The following CAPN15 variants were observed in gnomAD, a reference collection of about 807,000 sequenced individuals.
CAPN15 encodes the protein calpain 15, also known as calpain-15.
In CAPN15, 53 loss-of-function variants were observed where a neutral mutation model predicts 97.9. That is an observed-to-expected ratio of 0.54 (90% confidence interval 0.43 to 0.68). CAPN15 has a LOEUF of 0.68. CAPN15 is among the 30% of genes least tolerant of loss of function. CAPN15 has a pLI of 0.00. For missense variants in CAPN15, 1,592 were observed against 1,589.8 expected, an observed-to-expected ratio of 1.00 and a Z score of -0.02; for synonymous variants, 922 against 722.5, an observed-to-expected ratio of 1.28 and a Z score of -4.43.
intron 5 of CAPN15, 34 bp from the exon 6 acceptor site, chr16:549,253 CG>C: frequency 1.3e-6 from 2 of 1,551,540 alleles, no homozygotes; most frequent in Non-Finnish European, 1.7e-6. Flanking sequence ...CGACCGGCCG[CG>C]GTCCCCGCGA....
Position 536,137 on chromosome 16 carries a change from TG to T in CAPN15, c.-26del. 1 of 967,330 alleles carries T rather than the reference TG, an allele frequency of 1.0e-6. No homozygotes were observed. The highest frequency in any genetic ancestry group is 1.2e-4 in the East Asian group (1 of 8,598). The allele number at this position is 967,330 out of a possible 1,614,324, so 59.9% of individuals were successfully genotyped here. ...CCCTGAGGTGGGCCGGACCTGGGAGTGGCAGGTGAGCGTTCCTCCCAAGAGC... is the reference window on the plus strand; with the variant it reads ...CCCTGAGGTGGGCCGGACCTGGGAGTGCAGGTGAGCGTTCCTCCCAAGAGC... On this transcript the variant is annotated 5_prime_UTR_variant, in exon 3 of 14. Transcript: ENST00000219611.
In CAPN15 at chr16:548,232, C is replaced by A; in HGVS notation, c.1394C>A (p.Thr465Lys). ...ATGCACGTGGAGCAGCGGCGGCAGA[C>A]AGACGAGGGCGAGGCCAAGGCACTC... ...ESMHVEQRRQ[T>K]DEGEAKALWE... Residue 465 changes from threonine to lysine, a missense_variant, in exon 4 of 14, where the codon ACA becomes AAA. Around this residue, in one of 3 missense-constraint regions of CAPN15, gnomAD observed 883 missense variants for 776.6 expected, o/e 1.14. Coordinates refer to ENST00000219611, the MANE Select transcript of CAPN15 (RefSeq NM_005632.3). The A allele has an allele frequency of 6.4e-7, 1 of 1,551,938 alleles. No homozygotes were observed. The highest frequency in any genetic ancestry group is 8.7e-7 in the Non-Finnish European group (1 of 1,150,174).
At chr16:544,321 C>T (rs575998918) in intron 3 of CAPN15, among the ~76,000 whole-genome samples, 9 of 152,134 alleles carry the variant, frequency 5.9e-5, no homozygotes, top group South Asian at 4.2e-4. Flanking sequence ...GGGGCTGCCC[C>T]GGCCGGACGG....
chr16:548,546 GC>G (rs1192829817), intron 4 of CAPN15, among the ~76,000 whole-genome samples: 3 of 152,232 alleles, frequency 2.0e-5, no homozygotes, highest in African/African-American at 4.8e-5. Flanking sequence ...GGCCAGGAGG[GC>G]CCCGAGCCCC....
intron 3 of CAPN15, among the ~76,000 whole-genome samples, chr16:543,794 G>A (rs534050220): frequency 1.3e-5 from 2 of 152,132 alleles, no homozygotes; most frequent in Non-Finnish European, 2.9e-5. Context: ...CGGGACTGGG[G>A]AGGGTCAGCG....
At chr16:538,303 T>C (rs1567138564) in intron 3 of CAPN15, 1 of 105,520 alleles carries the variant, frequency 9.5e-6, no homozygotes, top group East Asian at 2.7e-4. Context: ...TGTTTTTTTT[T>C]TTGATTTTTT....
At chr16:553,086 T>G (rs1291252299) in intron 13 of CAPN15, 45 bp downstream of exon 13, 1 of 764,612 alleles carries the variant, frequency 1.3e-6, no homozygotes, top group Non-Finnish European at 1.7e-6. Flanking sequence ...AGGTGCCCCC[T>G]CCCCTACCCC....
intron 3 of CAPN15, among the ~76,000 whole-genome samples, chr16:544,579 G>A (rs959579999): frequency 4.6e-5 from 7 of 152,106 alleles, no homozygotes; most frequent in Admixed American, 3.3e-4. Context: ...GGAGCTGAGT[G>A]TCGGCAACGC....
At position 553,668 on chromosome 16, in the gene CAPN15, C is replaced by T. The variant is rs2035269237; in HGVS notation, c.*152C>T. ...CCAGGGCTCAGCTTCCCATGGGCCC[C>T]CCGCCCCCCTCCTTCCCCTCCCTGA... On this transcript the variant is annotated 3_prime_UTR_variant, in exon 14 of 14. Transcript: ENST00000219611. The T allele has an allele frequency of 7.3e-6, 4 of 545,258 alleles. No individual in the cohort carries two copies. The highest frequency in any genetic ancestry group is 1.3e-5 in the Non-Finnish European group (4 of 318,562). The allele number at this position is 545,258 out of a possible 1,614,324, so 33.8% of individuals were successfully genotyped here.
rs1324886865 is a variant in CAPN15 at position 549,606 on chromosome 16, C to T, written c.1843-9C>T. ...GGGCGGGGGTGGCCTCTGACCCGGC[C>T]CTCTGCAGGCGCAGCGGAAGCAGCT... is the stretch of plus-strand genomic sequence containing the variant. On this transcript the variant is annotated splice_polypyrimidine_tract_variant and intron_variant, in intron 6 of 13. Coordinates refer to ENST00000219611, the MANE Select transcript of CAPN15 (RefSeq NM_005632.3). 1.3e-6 allele frequency: 2 copies of T among 1,533,718 alleles called. No individual in the cohort carries two copies. Among genetic ancestry groups the T allele is most frequent in the Middle Eastern group, 1.8e-4 (1 of 5,622 alleles).
intron 3 of CAPN15, among the ~76,000 whole-genome samples, chr16:544,789 C>T (rs1384214108): frequency 2.2e-5 from 2 of 92,024 alleles, no homozygotes; most frequent in African/African-American, 5.9e-5. Context: ...GTCTCCCCCA[C>T]GTCGTCGTCT....
chr16:528,712 G>A, intron 1 of CAPN15: 2 of 985,360 alleles, frequency 2.0e-6, no homozygotes, highest in Non-Finnish European at 2.4e-6. Context: ...GTTTGTTACC[G>A]GACTGCAGGT....
At chr16:528,802 A>G in intron 1 of CAPN15, 1 of 973,560 alleles carries the variant, frequency 1.0e-6, no homozygotes, top group Non-Finnish European at 1.2e-6. Context: ...GAAGACTGGG[A>G]CTCCGTTGGG....
rs746459882 is a variant in CAPN15 at position 547,496 on chromosome 16, C to T, written c.658C>T (p.Pro220Ser). The change falls in exon 4 of 14, where the codon CCA becomes TCA. Residue 220 changes from proline (P) to serine (S), a missense_variant. Pro to Ser is a moderately conservative substitution (Grantham distance 74, BLOSUM62 -1). This residue lies in a region of CAPN15 where 883 missense variants were observed against 776.6 expected (regional missense o/e 1.14). Coordinates refer to ENST00000219611, the MANE Select transcript of CAPN15 (RefSeq NM_005632.3). ...CAACCCCCCAGCCACCAGCCAGGGC[C>T]CAGCTGCCGAACCAGAGCCGCCCAG... ...EANPPATSQG[P>S]AAEPEPPRVP... is the part of the protein sequence containing the mutation. 2 of 1,597,822 alleles carry T rather than the reference C, an allele frequency of 1.3e-6. No homozygotes were observed. Among genetic ancestry groups the T allele is most frequent in the Non-Finnish European group, 1.7e-6 (2 of 1,179,000 alleles).
At position 552,063 on chromosome 16, in the gene CAPN15, C is replaced by G; in HGVS notation, c.2358C>G (p.Ser786=). ...CCGCCACCTGCAGGTACTTCGACTC[C>G]GTGGACATCTGTAAGGTGCACTCGG... ...EYGDFVRYFD[S]VDICKVHSDW... is the part of the protein sequence containing the mutation. Residue 786 remains serine, a synonymous_variant, in exon 10 of 14, where the codon TCC becomes TCG. Coordinates refer to ENST00000219611, the MANE Select transcript of CAPN15 (RefSeq NM_005632.3). The surrounding 1 kb of genome is among the most constrained non-coding windows in gnomAD (Gnocchi z 6.4). The G allele has an allele frequency of 3.9e-6, 6 of 1,548,842 alleles. No homozygotes were observed. Among genetic ancestry groups the G allele is most frequent in the Non-Finnish European group, 5.2e-6 (6 of 1,146,816 alleles).
Position 553,524 on chromosome 16 carries a change from G to T in CAPN15, c.*8G>T. Reference sequence around the variant, plus strand: ...GGGCCCCGACCGCTGTGACCACCATGCCTGGGGCAGGGGCTGTGCACAGAC... The same window carrying T: ...GGGCCCCGACCGCTGTGACCACCATTCCTGGGGCAGGGGCTGTGCACAGAC... On this transcript the variant is annotated 3_prime_UTR_variant, in exon 14 of 14. Transcript: ENST00000219611. 1 of 1,595,432 alleles carries T rather than the reference G, an allele frequency of 6.3e-7. No individual in the cohort carries two copies. The highest frequency in any genetic ancestry group is 2.3e-5 in the East Asian group (1 of 44,246).
intron 1 of CAPN15, among the ~76,000 whole-genome samples, chr16:529,006 G>C (rs1314989387): frequency 6.6e-6 from 1 of 152,198 alleles, no homozygotes; most frequent in Non-Finnish European, 1.5e-5. Context: ...TCTCAACTGT[G>C]AAGTGGGGCA....
At chr16:534,275 C>T (rs1200119445) in intron 2 of CAPN15, among the ~76,000 whole-genome samples, 4 of 30,312 alleles carry the variant, frequency 1.3e-4, no homozygotes, top group South Asian at 1.1e-3. Context: ...GCTGTGGCCC[C>T]GGCCCCCAGA....
chr16:549,545 G>A (rs1567154983), intron 6 of CAPN15, 70 bp from the exon 7 acceptor site: 1 of 1,442,940 alleles, frequency 6.9e-7, no homozygotes, highest in Non-Finnish European at 9.3e-7. Context: ...AAGGCCGGCT[G>A]CTTCCTCTTC....
Sources: allele counts gnomAD v4.1 joint callset (sites outside exome capture counted in the v4.1 genomes callset), GRCh38; gene constraint gnomAD v4.1.1; regional missense constraint gnomAD v4.1.1; non-coding constraint Gnocchi (gnomAD v3.1); transcripts MANE v1.5; gene names NCBI Gene and HGNC (gene_info 2026-07-23, HGNC 2026-07-21).